The following BAZ2B variants were observed in gnomAD, a reference collection of about 807,000 sequenced individuals.
The protein encoded by BAZ2B is bromodomain adjacent to zinc finger domain 2B, also known as bromodomain adjacent to zinc finger domain protein 2B.
Under a neutral mutation model 246.0 loss-of-function variants are expected in BAZ2B, and 91 were observed. That is an observed-to-expected ratio of 0.37 (90% confidence interval 0.31 to 0.44). The LOEUF (loss-of-function observed/expected upper bound fraction) is 0.44, where lower values mean the gene tolerates loss of function less well. Ranked by LOEUF, BAZ2B falls within the 20% of genes least tolerant of loss-of-function variation. The pLI is 1.00. For synonymous variants in BAZ2B, 855 were observed against 860.0 expected (o/e 0.99, Z 0.10); for missense variants, 2,332 against 2,533.7 (o/e 0.92, Z 1.71).
chr2:159,458,148 C>CAGCTGAAATT lies in BAZ2B; in HGVS notation c.146-4348_146-4347insAATTTCAGCT, dbSNP rs568875027. Among the ~76,000 whole-genome samples the CAGCTGAAATT allele has an allele frequency of 3.5e-3, 535 of 151,810 alleles. 6 individuals carry two copies. The highest frequency in any genetic ancestry group is 0.012 in the African/African-American group (501 of 41,372). On this transcript the variant is annotated intron_variant, in intron 3 of 36. Coordinates refer to ENST00000392783, the MANE Select transcript of BAZ2B (RefSeq NM_013450.4). ...TCAGCCTCCTGAGTAGCTGGGATTT[C>CAGCTGAAATT]AGCTGTGTGCCACTACGTCCAGCTA...
chr2:159,348,918 AT>A, intron 29 of BAZ2B, 85 bp from the exon 30 acceptor site: 1 of 1,550,616 alleles, frequency 6.4e-7, no homozygotes, highest in Non-Finnish European at 8.7e-7. Context: ...TATTAACTAT[AT>A]ATAGAACCAT....
Position 159,332,665 on chromosome 2 carries a change from C to T in BAZ2B, c.5818G>A (p.Gly1940Arg), listed in dbSNP as rs761768005. 3.1e-6 allele frequency: 5 copies of T among 1,613,808 alleles called. No individual in the cohort carries two copies. Among genetic ancestry groups the T allele is most frequent in the East Asian group, 2.2e-5 (1 of 44,874 alleles). ...AGAAGAAGCAGTTCTTCATTATCTC[C>T]CTTTCGACAGATTTGGCAGTACTAT... ...MKVYCQICRK[G>R]DNEELLLLCD... Residue 1940 changes from glycine to arginine, a missense_variant, in exon 34 of 37, where the codon GGA becomes AGA. Physicochemically the swap from Gly to Arg is moderately radical, Grantham distance 125. This residue lies in a region of BAZ2B where 53 missense variants were observed against 62.0 expected (regional missense o/e 0.86). Transcript: ENST00000392783.
intron 16 of BAZ2B, 102 bp from the exon 17 acceptor site, chr2:159,400,766 C>G (rs370718404): frequency 1.5e-6 from 1 of 667,088 alleles, no homozygotes. Context: ...ACAGGTCAGG[C>G]GCAGTGGCTC....
chr2:159,512,671 G>A (rs370073832), intron 2 of BAZ2B, among the ~76,000 whole-genome samples: 45 of 152,234 alleles, frequency 3.0e-4, no homozygotes, highest in African/African-American at 1.1e-3. Context: ...CAAGGTCACA[G>A]TATAGTACAA....
chr2:159,636,502 T>C, the BAZ2B span, among the ~76,000 whole-genome samples: 44 of 152,236 alleles, frequency 2.9e-4, no homozygotes, highest in African/African-American at 1.1e-3. Flanking sequence ...GGATCAGAAC[T>C]AGACAGAGGG....
the BAZ2B span, among the ~76,000 whole-genome samples, chr2:159,672,376 C>A: frequency 6.6e-6 from 1 of 152,212 alleles, no homozygotes; most frequent in African/African-American, 2.4e-5. Context: ...AGGGATCTCA[C>A]CCACATAAAC....
intron 2 of BAZ2B, among the ~76,000 whole-genome samples, chr2:159,495,108 A>T (rs2080928855): frequency 6.6e-6 from 1 of 152,202 alleles, no homozygotes; most frequent in African/African-American, 2.4e-5. Context: ...GGAAGATATT[A>T]TATTTATTCT....
At chr2:159,466,929 G>C (rs1057272790) in intron 3 of BAZ2B, among the ~76,000 whole-genome samples, 1 of 152,042 alleles carries the variant, frequency 6.6e-6, no homozygotes, top group African/African-American at 2.4e-5. Flanking sequence ...CACCCTTACA[G>C]ACACACCCAG....
At chr2:159,456,926 T>C (rs1271055779) in intron 3 of BAZ2B, among the ~76,000 whole-genome samples, 1 of 152,218 alleles carries the variant, frequency 6.6e-6, no homozygotes, top group African/African-American at 2.4e-5. Context: ...AATTTAAGAA[T>C]ACATTTCACA....
rs1559201080 is a variant in BAZ2B, at chr2:159,385,167, T to C, written c.3674A>G (p.Lys1225Arg). 1 of 1,613,170 alleles carries C rather than the reference T, an allele frequency of 6.2e-7. No individual in the cohort carries two copies. The highest frequency in any genetic ancestry group is 8.5e-7 in the Non-Finnish European group (1 of 1,179,256). ...AFLINELACS[K>R]SVVSEIDKNI... ...GGCATATGCTCACCTGACCACACTC[T>C]TGCTGCATGCCAGTTCATTGATCAG... Residue 1225 changes from lysine (K) to arginine (R), a missense_variant, in exon 23 of 37, where the codon AAG (lysine) becomes AGG (arginine). Around this residue, in one of 9 missense-constraint regions of BAZ2B, gnomAD observed 328 missense variants for 410.4 expected, o/e 0.80. Transcript: ENST00000392783.
chr2:159,423,838 C>G (rs555241524), intron 13 of BAZ2B, among the ~76,000 whole-genome samples: 1 of 152,322 alleles, frequency 6.6e-6, no homozygotes, highest in Non-Finnish European at 1.5e-5. Context: ...AAGATGTGAA[C>G]AGTAGACACT....
At chr2:159,430,593 C>G (rs1319253636) in intron 10 of BAZ2B, among the ~76,000 whole-genome samples, 1 of 152,058 alleles carries the variant, frequency 6.6e-6, no homozygotes, top group Non-Finnish European at 1.5e-5. Flanking sequence ...ATTCTATATT[C>G]TAGAAGCACA....
At chr2:159,596,919 G>A (rs1175068036) in intron 1 of BAZ2B, among the ~76,000 whole-genome samples, 1 of 152,100 alleles carries the variant, frequency 6.6e-6, no homozygotes, top group East Asian at 1.9e-4. Flanking sequence ...CTCAGAAGTG[G>A]GACTGCTGGA....
At chr2:159,354,640 C>G (rs115085009) in intron 27 of BAZ2B, among the ~76,000 whole-genome samples, 239 of 152,118 alleles carry the variant, frequency 1.6e-3, no homozygotes, top group African/African-American at 5.3e-3. Context: ...TGTGAGCCAC[C>G]GCCTCTGGCT....
chr2:159,542,282 T>C (rs2086749257), intron 2 of BAZ2B, among the ~76,000 whole-genome samples: 1 of 152,150 alleles, frequency 6.6e-6, no homozygotes, highest in Non-Finnish European at 1.5e-5. Context: ...AAATAGTGGA[T>C]GGAAACTTCC....
intron 1 of BAZ2B, among the ~76,000 whole-genome samples, chr2:159,560,504 C>T (rs979809243): frequency 6.6e-6 from 1 of 151,870 alleles, no homozygotes; most frequent in Non-Finnish European, 1.5e-5. Flanking sequence ...AAGTTAAGGA[C>T]TGTCATTCTC....
At chr2:159,442,583 C>T (rs2073615419) in intron 6 of BAZ2B, among the ~76,000 whole-genome samples, 1 of 152,162 alleles carries the variant, frequency 6.6e-6, no homozygotes, top group South Asian at 2.1e-4. Flanking sequence ...TAAATACATT[C>T]ATAATGTTGT....
chr2:159,521,825 T>C (rs139602201), intron 2 of BAZ2B, among the ~76,000 whole-genome samples: 16 of 152,190 alleles, frequency 1.1e-4, no homozygotes, highest in African/African-American at 3.6e-4. Context: ...TAGAGAATTG[T>C]TGGATCTCAG....
At chr2:159,438,916 A>G (rs933985282) in intron 7 of BAZ2B, 93 bp downstream of exon 7, 2 of 1,352,006 alleles carry the variant, frequency 1.5e-6, no homozygotes, top group Non-Finnish European at 2.0e-6. Flanking sequence ...AGTAATGATT[A>G]ACTTTAAAAC....
Sources: gnomAD v4.1 joint callset for allele counts (sites outside exome capture counted in the v4.1 genomes callset) on GRCh38, gnomAD v4.1.1 for gene constraint, gnomAD v4.1.1 regional missense constraint, MANE v1.5 for transcripts, NCBI Gene and HGNC (gene_info 2026-07-23, HGNC 2026-07-21) for gene names.